Variants in JHY observed in about 807,000 individuals in gnomAD.
The protein encoded by JHY is jhy protein homolog.
JHY carries 69 observed loss-of-function variants against 78.0 expected under a neutral mutation model. The observed-to-expected ratio is 0.88, with a 90% CI of 0.73 to 1.08. The LOEUF is 1.08. Among genes scored for constraint, JHY ranks in the 50% least tolerant of loss-of-function variants. The probability of loss-of-function intolerance (pLI) is 0.00; values close to 1 mark genes in which losing one functional copy is unlikely to be tolerated. For synonymous variants in JHY, 368 were observed against 342.6 expected (o/e 1.07, Z -0.82); for missense variants, 944 against 927.8 (o/e 1.02, Z -0.23).
At chr11:122,955,694 T>A (rs1226379749) in intron 6 of JHY, among the ~76,000 whole-genome samples, 1 of 152,212 alleles carries the variant, frequency 6.6e-6, no homozygotes. Flanking sequence ...TTGCCAAGAC[T>A]CTCAAACACT....
chr11:122,897,003 C>T (rs930125337), intron 2 of JHY, among the ~76,000 whole-genome samples: 45 of 152,042 alleles, frequency 3.0e-4, no homozygotes, highest in African/African-American at 9.9e-4. Flanking sequence ...ATTACAGGCA[C>T]GTGCCGCCAT....
chr11:122,956,422 C>A, intron 6 of JHY, 74 bp from the exon 7 acceptor site: 1 of 1,292,222 alleles, frequency 7.7e-7, no homozygotes, highest in Non-Finnish European at 1.1e-6. Flanking sequence ...GTGGCTATGA[C>A]ACCTTACAGG....
rs11218887 is a variant in JHY, at chr11:122,907,637, G to A, written c.864+3193G>A. Among the ~76,000 whole-genome samples the A allele has an allele frequency of 3.6e-3, 549 of 152,100 alleles. 1 individual carries two copies. Among genetic ancestry groups the A allele is most frequent in the Middle Eastern group, 0.01 (3 of 292 alleles). ...AGGCGGGCAGATCCCCTGAAGTTGG[G>A]AGTTCGAGACCAGCCTGACCATCAT... On this transcript the variant is annotated intron_variant, in intron 3 of 8. Transcript: ENST00000227349.
At chr11:122,905,463 T>C (rs769142940) in intron 3 of JHY, 1 of 1,300,862 alleles carries the variant, frequency 7.7e-7, no homozygotes, top group Non-Finnish European at 9.7e-7. Context: ...CTGGTATTTT[T>C]TTTTAACATA....
chr11:122,903,231 A>G (rs1005481790), intron 2 of JHY, among the ~76,000 whole-genome samples: 7 of 152,260 alleles, frequency 4.6e-5, no homozygotes, highest in African/African-American at 1.7e-4. Flanking sequence ...ACATAGTTTT[A>G]TCTTCACCAG....
chr11:122,886,276 A>C, intron 2 of JHY, 83 bp downstream of exon 2: 1 of 1,345,546 alleles, frequency 7.4e-7, no homozygotes, highest in African/African-American at 1.5e-5. Flanking sequence ...AAATTAGAGT[A>C]AGGGCAAGCT....
At chr11:122,952,548 G>A (rs975587460) in intron 6 of JHY, among the ~76,000 whole-genome samples, 2 of 152,068 alleles carry the variant, frequency 1.3e-5, no homozygotes, top group African/African-American at 4.8e-5. Flanking sequence ...CACCCTTTAG[G>A]CCACACTCTG....
At position 122,963,192 on chromosome 11, in the gene JHY, A is replaced by G. The variant is rs1030497867; in HGVS notation, c.*3747A>G. 3.3e-5 allele frequency among the ~76,000 whole-genome samples: 5 copies of G among 152,002 alleles called. No homozygotes were observed. Among genetic ancestry groups the G allele is most frequent in the Non-Finnish European group, 7.4e-5 (5 of 67,984 alleles). ...TTCCAGAACATTTCAAAAACTTCCC[A>G]TACTGTTTTTCTGTTAGCTTAAGCG... is the stretch of plus-strand genomic sequence containing the variant. On this transcript the variant is annotated 3_prime_UTR_variant, in exon 9 of 9. Coordinates refer to ENST00000227349, the MANE Select transcript of JHY (RefSeq NM_024806.4).
chr11:122,886,373 T>A (rs879828860), intron 2 of JHY, among the ~76,000 whole-genome samples, 180 bp downstream of exon 2: 13 of 152,174 alleles, frequency 8.5e-5, no homozygotes, highest in Admixed American at 1.3e-4. Flanking sequence ...AGATTTTTTT[T>A]AATTAAAAAG....
chr11:122,948,722 G>A (rs1864019985), intron 6 of JHY, among the ~76,000 whole-genome samples: 1 of 152,098 alleles, frequency 6.6e-6, no homozygotes, highest in African/African-American at 2.4e-5. Flanking sequence ...TCCTGACCTG[G>A]GGTCAGGCAA....
rs1055970372 is a variant in JHY, at chr11:122,883,309, G to T, written c.-90+337G>T. ...GCCTTGTTCCTCAGGAACAAGCAAA[G>T]GTAGAAAACCGAACGCCTCCCCTGG... is the stretch of plus-strand genomic sequence containing the variant. On this transcript the variant is annotated intron_variant, in intron 1 of 8. Transcript: ENST00000227349. The surrounding 1 kb of genome is among the most constrained non-coding windows in gnomAD (Gnocchi z 4.4). 1.3e-5 allele frequency among the ~76,000 whole-genome samples: 2 copies of T among 152,156 alleles called. No homozygotes were observed. Among genetic ancestry groups the T allele is most frequent in the Admixed American group, 1.3e-4 (2 of 15,280 alleles).
In JHY at chr11:122,959,470, A is replaced by G. The variant is rs1383983709; in HGVS notation, c.*25A>G. 1 of 1,605,464 alleles carries G rather than the reference A, an allele frequency of 6.2e-7. No individual in the cohort carries two copies. The highest frequency in any genetic ancestry group is 8.5e-7 in the Non-Finnish European group (1 of 1,173,138). On this transcript the variant is annotated 3_prime_UTR_variant, in exon 9 of 9. Coordinates refer to ENST00000227349, the MANE Select transcript of JHY (RefSeq NM_024806.4). ...GACAACATTTGATAGGAAGGAGACC[A>G]AAAATGGTCCAGGAATGAACGTGGA...
intron 3 of JHY, among the ~76,000 whole-genome samples, chr11:122,915,671 C>G (rs1005750221): frequency 1.3e-5 from 2 of 152,082 alleles, no homozygotes; most frequent in Non-Finnish European, 2.9e-5. Context: ...CGCCACCATG[C>G]CTGGCTAAGT....
intron 5 of JHY, among the ~76,000 whole-genome samples, chr11:122,946,272 TAAACA>T (rs141946773): frequency 0.032 from 4,853 of 152,212 alleles, 120 homozygotes; most frequent in East Asian, 0.11. Context: ...CTGAATGCAC[TAAACA>T]AAAGTTCTAA....
intron 6 of JHY, among the ~76,000 whole-genome samples, chr11:122,949,402 A>G (rs1864037806): frequency 6.6e-6 from 1 of 152,188 alleles, no homozygotes; most frequent in Non-Finnish European, 1.5e-5. Flanking sequence ...GACATCCCAG[A>G]AAGTGATGGG....
At position 122,960,552 on chromosome 11, in the gene JHY, A is replaced by G; in HGVS notation, c.*1107A>G. On this transcript the variant is annotated 3_prime_UTR_variant, in exon 9 of 9. Transcript: ENST00000227349. ...ATTTCTTTATCCTGAAACCAGTGTA[A>G]CAGGACCCTATGTGCTCCAAACTGG... The G allele has an allele frequency of 4.2e-6, 1 of 238,780 alleles. No individual in the cohort carries two copies. The highest frequency in any genetic ancestry group is 6.4e-5 in the South Asian group (1 of 15,506). The allele number at this position is 238,780 out of a possible 1,614,324, so 14.8% of individuals were successfully genotyped here. A position where few individuals can be genotyped will look rare whatever the true frequency, so the allele number is the denominator to read the frequency against.
At chr11:122,909,271 T>A (rs1042871454) in intron 3 of JHY, among the ~76,000 whole-genome samples, 2 of 152,186 alleles carry the variant, frequency 1.3e-5, no homozygotes, top group Non-Finnish European at 2.9e-5. Context: ...TAAATTAGTA[T>A]AACCAGTACG....
At chr11:122,944,161 C>T (rs1863922636) in intron 5 of JHY, among the ~76,000 whole-genome samples, 1 of 152,202 alleles carries the variant, frequency 6.6e-6, no homozygotes, top group African/African-American at 2.4e-5. Flanking sequence ...CTTGCCACTG[C>T]ATTCCAGCCT....
chr11:122,959,644 T>G lies in JHY; in HGVS notation c.*199T>G. On this transcript the variant is annotated 3_prime_UTR_variant, in exon 9 of 9. Transcript: ENST00000227349. Reference sequence around the variant, plus strand: ...TATTTTACTTTCTAGGAAGAAAATTTTTTAAATTATTTATTTTCAAATCAG... The same window carrying G: ...TATTTTACTTTCTAGGAAGAAAATTGTTTAAATTATTTATTTTCAAATCAG... The G allele has an allele frequency of 1.8e-6, 1 of 542,046 alleles. No homozygotes were observed. The highest frequency in any genetic ancestry group is 3.2e-6 in the Non-Finnish European group (1 of 310,814). 33.6% of individuals were successfully genotyped at this position (542,046 alleles called of 1,614,324 possible).
Sources: gnomAD v4.1 joint callset for allele counts (sites outside exome capture counted in the v4.1 genomes callset) on GRCh38, gnomAD v4.1.1 for gene constraint, Gnocchi (gnomAD v3.1) non-coding constraint, MANE v1.5 for transcripts, NCBI Gene and HGNC (gene_info 2026-07-23, HGNC 2026-07-21) for gene names.